The following SHROOM2 variants were observed in gnomAD, a reference collection of about 807,000 sequenced individuals.
The protein encoded by SHROOM2 is shroom family member 2, also known as protein Shroom2.
In SHROOM2, 33 loss-of-function variants were observed where a neutral mutation model predicts 75.9. The observed-to-expected ratio is 0.43, with a 90% CI of 0.33 to 0.58. SHROOM2 has a LOEUF of 0.58. Among genes scored for constraint, SHROOM2 ranks in the 20% least tolerant of loss-of-function variants. The pLI is 0.04. For synonymous variants in SHROOM2, 655 were observed against 663.6 expected, an observed-to-expected ratio of 0.99 and a Z score of 0.20; for missense variants, 1,434 against 1,461.2, an observed-to-expected ratio of 0.98 and a Z score of 0.30.
intron 5 of SHROOM2, among the ~76,000 whole-genome samples, chrX:9,926,214 C>T (rs1488998112): frequency 8.9e-6 from 1 of 112,141 alleles, no homozygotes; most frequent in Admixed American, 9.5e-5. Flanking sequence ...GCCTGCCTGA[C>T]GTCACATAGC....
rs760926593 is a variant in SHROOM2 at position 9,895,510 on chromosome X, G to A, written c.1602G>A (p.Arg534=). The A allele has an allele frequency of 2.2e-5, 26 of 1,201,731 alleles. No individual in the cohort carries two copies. The East Asian group carries it at 7.8e-4, about 36-fold the overall frequency. The change falls in exon 4 of 10, where the codon CGG becomes CGA. Residue 534 remains arginine (R), a synonymous_variant. Coordinates refer to ENST00000380913, the MANE Select transcript of SHROOM2 (RefSeq NM_001649.4). The part of the protein sequence containing the change: ...EGPPDARETG[R]CYPLDKGAEG... Reference sequence around the variant, plus strand: ...CTCCGGATGCCCGCGAGACAGGACGGTGTTACCCGCTGGACAAAGGGGCCG... The same window carrying A: ...CTCCGGATGCCCGCGAGACAGGACGATGTTACCCGCTGGACAAAGGGGCCG...
chrX:9,928,858 T>C (rs2084620534), intron 5 of SHROOM2, among the ~76,000 whole-genome samples: 1 of 111,940 alleles, frequency 8.9e-6, no homozygotes, highest in South Asian at 3.7e-4. Context: ...ACAACGTACA[T>C]CTATGCAGAG....
intron 9 of SHROOM2, among the ~76,000 whole-genome samples, chrX:9,946,250 A>T (rs2238889): frequency 0.4 from 44,788 of 111,889 alleles, 8,093 homozygotes; most frequent in African/African-American, 0.71. Flanking sequence ...TCTCGAGTCC[A>T]CCCATGTGGC....
chrX:9,937,565 T>C lies in SHROOM2; in HGVS notation c.4019T>C (p.Ile1340Thr), dbSNP rs1260754945. 2.1e-5 allele frequency: 26 copies of C among 1,211,615 alleles called. No homozygotes were observed. The highest frequency in any genetic ancestry group is 2.9e-5 in the Non-Finnish European group (26 of 895,419). Residue 1340 changes from isoleucine (I) to threonine (T), a missense_variant, in exon 7 of 10, where the codon ATC (isoleucine) becomes ACC (threonine). Physicochemically the swap from Ile to Thr is moderately conservative, Grantham distance 89. This residue lies in a region of SHROOM2 where 1,340 missense variants were observed against 1,338.3 expected (regional missense o/e 1.00). Coordinates refer to ENST00000380913, the MANE Select transcript of SHROOM2 (RefSeq NM_001649.4). ...LADILDPSVK[I>T]KTTMDLMEGI... is the part of the protein sequence containing the mutation. ...GACATCCTGGATCCCAGTGTGAAGA[T>C]CAAAACCACTATGGACTTGATGGAA... is the stretch of plus-strand genomic sequence containing the variant.
chrX:9,944,589 G>C, intron 8 of SHROOM2, 52 bp from the exon 9 acceptor site: 8 of 1,143,846 alleles, frequency 7.0e-6, no homozygotes, highest in Non-Finnish European at 9.4e-6. Context: ...GCCGGGGTGG[G>C]GGCCGGCCTA....
intron 1 of SHROOM2, among the ~76,000 whole-genome samples, chrX:9,804,347 A>G (rs1457862960): frequency 2.7e-5 from 3 of 112,228 alleles, no homozygotes; most frequent in Non-Finnish European, 5.6e-5. Context: ...GCAACGGTCT[A>G]CAAGCCCAGC....
At chrX:9,934,807 A>G (rs779620195) in intron 6 of SHROOM2, among the ~76,000 whole-genome samples, 3 of 110,989 alleles carry the variant, frequency 2.7e-5, no homozygotes, top group Admixed American at 9.6e-5. Context: ...ATTTTATATT[A>G]TTATCATTAT....
Position 9,896,717 on chromosome X carries a change from C to T in SHROOM2, c.2790+19C>T, listed in dbSNP as rs1304287238. The T allele has an allele frequency of 6.1e-6, 7 of 1,141,697 alleles. No individual in the cohort carries two copies. The highest frequency in any genetic ancestry group is 3.2e-5 in the East Asian group (1 of 31,453). 94.1% of individuals were successfully genotyped at this position (1,141,697 alleles called of 1,213,427 possible). A position where few individuals can be genotyped will look rare whatever the true frequency, so the allele number is the denominator to read the frequency against. Reference sequence around the variant, plus strand: ...CAAGCAGGTAAGCATGGAGCCACAGCCCCCTTGACCATCATCTTAACCCAA... The same window carrying T: ...CAAGCAGGTAAGCATGGAGCCACAGTCCCCTTGACCATCATCTTAACCCAA... On this transcript the variant is annotated intron_variant, in intron 4 of 9. Transcript: ENST00000380913.
At chrX:9,835,330 C>G (rs772170651) in intron 1 of SHROOM2, among the ~76,000 whole-genome samples, 1 of 112,056 alleles carries the variant, frequency 8.9e-6, no homozygotes, top group African/African-American at 3.2e-5. Flanking sequence ...CCCTCTCTTC[C>G]CTCCTCCCTG....
chrX:9,866,819 C>G (rs1262362609), intron 1 of SHROOM2, among the ~76,000 whole-genome samples: 2 of 111,188 alleles, frequency 1.8e-5, no homozygotes, highest in African/African-American at 6.6e-5. Flanking sequence ...CGTCTTCCCC[C>G]ACTTCGGCCC....
chrX:9,927,686 T>C (rs896996016), intron 5 of SHROOM2, among the ~76,000 whole-genome samples: 1 of 112,286 alleles, frequency 8.9e-6, no homozygotes, highest in Non-Finnish European at 1.9e-5. Context: ...TGTGTTCAAG[T>C]GAGGGCATAA....
rs891908258 is a variant in SHROOM2 at position 9,817,362 on chromosome X, T to C, written c.165+30652T>C. On this transcript the variant is annotated intron_variant, in intron 1 of 9. Coordinates refer to ENST00000380913, the MANE Select transcript of SHROOM2 (RefSeq NM_001649.4). ...AAGGGCAAAAGCTGAAAATTAATGC[T>C]TAGGTTTACTAGTAAGTGCACCCTT... Among the ~76,000 whole-genome samples, 7 of 110,652 alleles carry C rather than the reference T, an allele frequency of 6.3e-5. No individual in the cohort carries two copies. The Admixed American group carries it at 6.8e-4, about 11-fold the overall frequency.
chrX:9,884,339 C>T (rs1481508881), intron 2 of SHROOM2, among the ~76,000 whole-genome samples: 4 of 106,618 alleles, frequency 3.8e-5, no homozygotes, highest in Non-Finnish European at 7.7e-5. Context: ...AGGAAAATAA[C>T]CCAACACTCG....
chrX:9,938,526 G>T (rs2084737725), intron 7 of SHROOM2, among the ~76,000 whole-genome samples: 1 of 112,094 alleles, frequency 8.9e-6, no homozygotes, highest in African/African-American at 3.2e-5. Flanking sequence ...GCACTCCAGT[G>T]TGGGTGACAG....
At chrX:9,927,030 A>C (rs1466199825) in intron 5 of SHROOM2, among the ~76,000 whole-genome samples, 2 of 110,979 alleles carry the variant, frequency 1.8e-5, no homozygotes, top group East Asian at 5.7e-4. Context: ...ATCAGAATGC[A>C]TCCCTATCCC....
intron 1 of SHROOM2, among the ~76,000 whole-genome samples, chrX:9,788,326 C>T (rs1484160089): frequency 9.0e-6 from 1 of 110,660 alleles, no homozygotes; most frequent in African/African-American, 3.3e-5. Context: ...TATTAGAGCC[C>T]TGGAATACTG....
At chrX:9,804,901 C>T (rs1014781318) in intron 1 of SHROOM2, among the ~76,000 whole-genome samples, 4 of 110,980 alleles carry the variant, frequency 3.6e-5, no homozygotes, top group Admixed American at 9.7e-5. Flanking sequence ...GCTGTTGTCC[C>T]GTGTCACCAA....
At chrX:9,898,406 G>A (rs2084347127) in intron 5 of SHROOM2, 116 bp downstream of exon 5, 3 of 558,364 alleles carry the variant, frequency 5.4e-6, no homozygotes, top group Middle Eastern at 4.9e-4. Context: ...AACCCAAAGC[G>A]GCTGAAATCC....
At chrX:9,837,344 C>T (rs2083952223) in intron 1 of SHROOM2, among the ~76,000 whole-genome samples, 1 of 112,860 alleles carries the variant, frequency 8.9e-6, no homozygotes, top group South Asian at 3.6e-4. Context: ...AAACGTGTTT[C>T]ATGTTGCCTC....
Sources: gnomAD v4.1 joint callset for allele counts (sites outside exome capture counted in the v4.1 genomes callset) on GRCh38, gnomAD v4.1.1 for gene constraint, gnomAD v4.1.1 regional missense constraint, MANE v1.5 for transcripts, NCBI Gene and HGNC (gene_info 2026-07-23, HGNC 2026-07-21) for gene names.